GALNTL6: variants seen among roughly 807,000 people sequenced by gnomAD.
GALNTL6 encodes polypeptide N-acetylgalactosaminyltransferase like 6.
GALNTL6 carries 46 observed loss-of-function variants against 73.7 expected under a neutral mutation model. That is an observed-to-expected ratio of 0.62 (90% CI 0.49 to 0.80). The LOEUF is 0.80. GALNTL6 is among the 30% of genes least tolerant of loss of function. The pLI is 0.00. For synonymous variants in GALNTL6, 259 were observed against 263.7 expected, an observed-to-expected ratio of 0.98 and a Z score of 0.17; for missense variants, 604 against 755.0, an observed-to-expected ratio of 0.80 and a Z score of 2.34.
Position 172,178,659 on chromosome 4 carries a change from T to A in GALNTL6, c.139-50997T>A, listed in dbSNP as rs558311042. Among the ~76,000 whole-genome samples, 10 of 149,596 alleles carry A rather than the reference T, an allele frequency of 6.7e-5. No homozygotes were observed. The East Asian group carries it at 1.8e-3, about 27-fold the overall frequency. On this transcript the variant is annotated intron_variant, in intron 2 of 12. Coordinates refer to ENST00000506823, the MANE Select transcript of GALNTL6 (RefSeq NM_001034845.3). ...GTATATGTGACACATTTTCTTTTTT[T>A]TTTTTTTTATTATACTTTAAGTTTT...
At chr4:172,548,411 G>T (rs1172101714) in intron 5 of GALNTL6, among the ~76,000 whole-genome samples, 1 of 152,118 alleles carries the variant, frequency 6.6e-6, no homozygotes, top group Non-Finnish European at 1.5e-5. Flanking sequence ...CGAAGGGCAG[G>T]ACAATTATAT....
intron 5 of GALNTL6, among the ~76,000 whole-genome samples, chr4:172,392,597 T>A (rs1231391666): frequency 6.6e-6 from 1 of 151,866 alleles, no homozygotes. Flanking sequence ...AAAGGAAGAG[T>A]TGCTCTGGCT....
intron 2 of GALNTL6, among the ~76,000 whole-genome samples, chr4:172,012,203 G>A (rs1003328027): frequency 1.3e-5 from 2 of 152,002 alleles, no homozygotes; most frequent in African/African-American, 4.8e-5. Flanking sequence ...TCTCCTGCAG[G>A]CACAAGATAT....
chr4:171,972,664 T>C (rs919640363), intron 2 of GALNTL6, among the ~76,000 whole-genome samples: 1 of 151,984 alleles, frequency 6.6e-6, no homozygotes, highest in African/African-American at 2.4e-5. Context: ...TGGATTTAGG[T>C]ATATTTGGAC....
intron 2 of GALNTL6, among the ~76,000 whole-genome samples, chr4:172,221,814 A>G (rs1231744898): frequency 6.6e-6 from 1 of 151,818 alleles, no homozygotes; most frequent in Non-Finnish European, 1.5e-5. Context: ...ATATGCTTAG[A>G]TGGAAATTTT....
chr4:172,800,801 C>A (rs1740597808), intron 5 of GALNTL6, among the ~76,000 whole-genome samples: 1 of 147,184 alleles, frequency 6.8e-6, no homozygotes, highest in African/African-American at 2.5e-5. Context: ...CATCTTTCTT[C>A]TCCTTTGAGG....
At chr4:172,378,069 G>A (rs1463737561) in intron 5 of GALNTL6, among the ~76,000 whole-genome samples, 7 of 152,200 alleles carry the variant, frequency 4.6e-5, no homozygotes, top group Non-Finnish European at 1.0e-4. Flanking sequence ...AAGAGCGAGT[G>A]AGGGCTGCCA....
At chr4:172,068,718 T>A (rs1731426164) in intron 2 of GALNTL6, among the ~76,000 whole-genome samples, 1 of 111,124 alleles carries the variant, frequency 9.0e-6, no homozygotes, top group South Asian at 2.6e-4. Flanking sequence ...TATTGTAAAT[T>A]CCATTTCAGC....
At chr4:172,283,173 AACAC>A (rs1739124415) in intron 3 of GALNTL6, among the ~76,000 whole-genome samples, 6 of 152,216 alleles carry the variant, frequency 3.9e-5, no homozygotes, top group Admixed American at 3.9e-4. Flanking sequence ...CTTCTCTGTA[AACAC>A]ATGAGTGAGA....
At chr4:172,465,012 TG>T (rs1165494388) in intron 5 of GALNTL6, among the ~76,000 whole-genome samples, 3 of 152,182 alleles carry the variant, frequency 2.0e-5, no homozygotes, top group Non-Finnish European at 4.4e-5. Context: ...AACATCGTAA[TG>T]AAAAAAACAA....
intron 7 of GALNTL6, among the ~76,000 whole-genome samples, chr4:172,880,429 C>A (rs543431207): frequency 1.2e-3 from 188 of 152,072 alleles, no homozygotes; most frequent in Non-Finnish European, 2.4e-3. Context: ...CTGTATAATT[C>A]TATGTATATA....
At chr4:172,955,980 G>A (rs771520666) in intron 10 of GALNTL6, among the ~76,000 whole-genome samples, 9 of 152,156 alleles carry the variant, frequency 5.9e-5, no homozygotes, top group Non-Finnish European at 1.3e-4. Flanking sequence ...ATGTCATCAA[G>A]TTAAGGCAGG....
At chr4:172,188,888 A>G (rs1294532195) in intron 2 of GALNTL6, among the ~76,000 whole-genome samples, 10 of 152,224 alleles carry the variant, frequency 6.6e-5, no homozygotes, top group Admixed American at 6.5e-4. Context: ...GACAGTGTAC[A>G]AGTGGTGCAA....
intron 5 of GALNTL6, among the ~76,000 whole-genome samples, chr4:172,412,820 C>A (rs1744494476): frequency 6.6e-6 from 1 of 152,100 alleles, no homozygotes. Context: ...ATAGTCTTAA[C>A]ATGTTTTTGC....
chr4:172,741,160 C>T (rs550750548), intron 5 of GALNTL6, among the ~76,000 whole-genome samples: 1 of 152,116 alleles, frequency 6.6e-6, no homozygotes, highest in African/African-American at 2.4e-5. Context: ...GGGTTTTGCT[C>T]CTCCTTGGGC....
At chr4:172,225,886 G>A (rs1736848173) in intron 2 of GALNTL6, among the ~76,000 whole-genome samples, 1 of 152,102 alleles carries the variant, frequency 6.6e-6, no homozygotes, top group African/African-American at 2.4e-5. Context: ...TATTAGTGTA[G>A]CAAATCCCCC....
chr4:171,869,699 C>T (rs1736081895), intron 2 of GALNTL6, among the ~76,000 whole-genome samples: 1 of 152,118 alleles, frequency 6.6e-6, no homozygotes, highest in Admixed American at 6.6e-5. Context: ...TTGTAGCTCC[C>T]ATAATTCACA....
chr4:172,794,530 C>A (rs1328588367), intron 5 of GALNTL6, among the ~76,000 whole-genome samples: 1 of 152,150 alleles, frequency 6.6e-6, no homozygotes, highest in Admixed American at 6.6e-5. Flanking sequence ...ATCATTTTCT[C>A]CATTCCCTGG....
intron 2 of GALNTL6, among the ~76,000 whole-genome samples, chr4:172,107,034 C>A (rs1304065648): frequency 1.3e-5 from 2 of 152,106 alleles, no homozygotes; most frequent in Non-Finnish European, 2.9e-5. Context: ...CCACCACGCC[C>A]GGATAATTTT....
Sources: allele counts gnomAD v4.1 joint callset (sites outside exome capture counted in the v4.1 genomes callset), GRCh38; gene constraint gnomAD v4.1.1; transcripts MANE v1.5; gene names NCBI Gene and HGNC (gene_info 2026-07-23, HGNC 2026-07-21).